RAF1: variants seen among roughly 807,000 people sequenced by gnomAD.
RAF1 encodes the protein RAF proto-oncogene serine/threonine-protein kinase.
A neutral mutation model predicts 81.1 loss-of-function variants in RAF1; 27 were observed. The ratio of observed to expected loss-of-function variants is 0.33; its 90% CI spans 0.25 to 0.46. The LOEUF is 0.46. Among genes scored for constraint, RAF1 ranks in the 20% least tolerant of loss-of-function variants. The pLI is 1.00. For synonymous variants in RAF1, 298 were observed against 294.0 expected (o/e 1.01, Z -0.14); for missense variants, 598 against 826.0 (o/e 0.72, Z 3.38).
Position 12,590,914 on chromosome 3 carries a change from T to C in RAF1, c.1314A>G (p.Ala438=). 7 of 1,613,644 alleles carry C rather than the reference T, an allele frequency of 4.3e-6. No homozygotes were observed. Among genetic ancestry groups the C allele is most frequent in the Non-Finnish European group, 5.9e-6 (7 of 1,179,576 alleles). ...TGCCCTCGCACCACTGGGTCACAAT[T>C]GCCAGGTTGTCCTTTGTCATGTACC... is the stretch of plus-strand genomic sequence containing the variant. Residue 438 remains alanine, a synonymous_variant, in exon 13 of 18, where the codon GCA becomes GCG. Coordinates refer to ENST00000442415, the MANE Select transcript of RAF1 (RefSeq NM_001354689.3).
chr3:12,615,094 C>T (rs115679418), intron 2 of RAF1, among the ~76,000 whole-genome samples: 1 of 152,108 alleles, frequency 6.6e-6, no homozygotes, highest in Non-Finnish European at 1.5e-5. Context: ...TCTACCTGTC[C>T]AACACATCCA....
At chr3:12,592,679 A>G (rs1340457331) in intron 11 of RAF1, among the ~76,000 whole-genome samples, 1 of 151,328 alleles carries the variant, frequency 6.6e-6, no homozygotes, top group Non-Finnish European at 1.5e-5. Context: ...ATATAACTTT[A>G]GACACATCCA....
At chr3:12,589,832 C>G (rs1315342220) in intron 13 of RAF1, 1 of 150,758 alleles carries the variant, frequency 6.6e-6, no homozygotes, top group Non-Finnish European at 1.5e-5. Context: ...GCTCTGTCAC[C>G]CAGGCTAGAG....
Position 12,663,973 on chromosome 3 carries a change from C to A in RAF1, c.-187G>T. On this transcript the variant is annotated 5_prime_UTR_variant, in exon 1 of 18. Coordinates refer to ENST00000442415, the MANE Select transcript of RAF1 (RefSeq NM_001354689.3). ...CAGCCCCCGCATCGTAGCAAACGCG[C>A]TCCGCGCCTCAGGGCACGCGCCCCA... is the stretch of plus-strand genomic sequence containing the variant. 2 of 398,546 alleles carry A rather than the reference C, an allele frequency of 5.0e-6. No individual in the cohort carries two copies. The highest frequency in any genetic ancestry group is 8.9e-6 in the Non-Finnish European group (2 of 225,972). The allele number at this position is 398,546 out of a possible 1,614,324, so 24.7% of individuals were successfully genotyped here.
chr3:12,641,344 CAT>C (rs1163070605), intron 1 of RAF1, among the ~76,000 whole-genome samples: 2 of 150,508 alleles, frequency 1.3e-5, no homozygotes, highest in Non-Finnish European at 2.9e-5. Flanking sequence ...ACATTGTGCA[CAT>C]GTACTCTAGA....
Position 12,600,424 on chromosome 3 carries a change from G to C in RAF1, c.895-9C>G, listed in dbSNP as rs200112870. ...TGACTTCGAATTGCATCCTGAAACAGAAAAGGAAAGCTGGTCAACTCCTAC... is the reference window on the plus strand; with the variant it reads ...TGACTTCGAATTGCATCCTGAAACACAAAAGGAAAGCTGGTCAACTCCTAC... On this transcript the variant is annotated splice_polypyrimidine_tract_variant and intron_variant, in intron 8 of 17. Transcript: ENST00000442415. 36 of 1,614,122 alleles carry C rather than the reference G, an allele frequency of 2.2e-5. No homozygotes were observed. The East Asian group carries it at 7.6e-4, about 34-fold the overall frequency.
rs1229121347 is a variant in RAF1 at position 12,608,932 on chromosome 3, A to G, written c.424-9T>C. Reference sequence around the variant, plus strand: ...AGGAACGTCTTCCGAGCCTACAACAAGAACACAGGTGTAAATTATGCTGAA... The same window carrying G: ...AGGAACGTCTTCCGAGCCTACAACAGGAACACAGGTGTAAATTATGCTGAA... On this transcript the variant is annotated splice_polypyrimidine_tract_variant and intron_variant, in intron 4 of 17. Coordinates refer to ENST00000442415, the MANE Select transcript of RAF1 (RefSeq NM_001354689.3). 3 of 1,614,136 alleles carry G rather than the reference A, an allele frequency of 1.9e-6. No homozygotes were observed. Among genetic ancestry groups the G allele is most frequent in the East Asian group, 2.2e-5 (1 of 44,878 alleles).
In RAF1 at chr3:12,583,931, G is replaced by GA. The variant is rs2058226923; in HGVS notation, c.*582dup. 4.2e-6 allele frequency: 1 copy of GA among 238,474 alleles called. No individual in the cohort carries two copies. Among genetic ancestry groups the GA allele is most frequent in the Non-Finnish European group, 8.3e-6 (1 of 120,788 alleles). The allele number at this position is 238,474 out of a possible 1,614,324, so 14.8% of individuals were successfully genotyped here. A position where few individuals can be genotyped will look rare whatever the true frequency, so the allele number is the denominator to read the frequency against. ...CCTGGAAAACCATCCCAATGCACTGGACACCTTAGAAGCTGTGAAAGGAGG... is the reference window on the plus strand; with the variant it reads ...CCTGGAAAACCATCCCAATGCACTGGAACACCTTAGAAGCTGTGAAAGGAGG... On this transcript the variant is annotated 3_prime_UTR_variant, in exon 18 of 18. Transcript: ENST00000442415.
At chr3:12,651,609 G>A (rs555393159) in intron 1 of RAF1, among the ~76,000 whole-genome samples, 11 of 150,858 alleles carry the variant, frequency 7.3e-5, no homozygotes, top group East Asian at 5.9e-4. Context: ...AGCCGAGATC[G>A]CACCACTGCA....
intron 5 of RAF1, among the ~76,000 whole-genome samples, chr3:12,606,838 A>C (rs909972581): frequency 6.6e-6 from 1 of 152,034 alleles, no homozygotes; most frequent in African/African-American, 2.4e-5. Flanking sequence ...TGTCTCTCCT[A>C]ATGCTATCCC....
chr3:12,595,756 A>C (rs1232483427), intron 11 of RAF1, among the ~76,000 whole-genome samples: 1 of 152,086 alleles, frequency 6.6e-6, no homozygotes, highest in East Asian at 1.9e-4. Context: ...TATTAAAAAC[A>C]TTGAACTGGG....
At chr3:12,625,340 C>T (rs888069433) in intron 1 of RAF1, among the ~76,000 whole-genome samples, 2 of 152,128 alleles carry the variant, frequency 1.3e-5, no homozygotes, top group Non-Finnish European at 2.9e-5. Flanking sequence ...ACCTCAGCCT[C>T]CCAAAGTGCT....
chr3:12,584,044 T>C lies in RAF1; in HGVS notation c.*470A>G. Reference sequence around the variant, plus strand: ...GGCAGTCCTGGGCTGTTTGGTGCCTTATGTGCAAAATGTCTGGCGCTGCAC... The same window carrying C: ...GGCAGTCCTGGGCTGTTTGGTGCCTCATGTGCAAAATGTCTGGCGCTGCAC... On this transcript the variant is annotated 3_prime_UTR_variant, in exon 18 of 18. Transcript: ENST00000442415. 1 of 281,912 alleles carries C rather than the reference T, an allele frequency of 3.5e-6. No individual in the cohort carries two copies. The highest frequency in any genetic ancestry group is 6.9e-6 in the Non-Finnish European group (1 of 145,672). 17.5% of individuals were successfully genotyped at this position (281,912 alleles called of 1,614,324 possible). A position where few individuals can be genotyped will look rare whatever the true frequency, so the allele number is the denominator to read the frequency against.
At chr3:12,610,394 A>T (rs1159202456) in intron 3 of RAF1, among the ~76,000 whole-genome samples, 2 of 152,222 alleles carry the variant, frequency 1.3e-5, no homozygotes, top group East Asian at 1.9e-4. Flanking sequence ...AAGGAGGACA[A>T]GCCTTATTTT....
chr3:12,627,510 G>A (rs1271902996), intron 1 of RAF1, among the ~76,000 whole-genome samples: 1 of 152,146 alleles, frequency 6.6e-6, no homozygotes, highest in Non-Finnish European at 1.5e-5. Flanking sequence ...AGAAAAAAAG[G>A]GATGACTCAT....
intron 1 of RAF1, among the ~76,000 whole-genome samples, chr3:12,624,891 A>AC (rs2059655584): frequency 3.5e-5 from 2 of 57,876 alleles, no homozygotes; most frequent in South Asian, 1.7e-3. Flanking sequence ...AACTCAAAAA[A>AC]AAAAAAAAAA....
intron 1 of RAF1, among the ~76,000 whole-genome samples, chr3:12,628,760 G>GGC (rs2059783533): frequency 7.3e-6 from 1 of 136,696 alleles, no homozygotes; most frequent in African/African-American, 2.7e-5. Context: ...TTGGGGGGGG[G>GGC]GGGTGGCGGG....
chr3:12,618,830 A>AT, intron 1 of RAF1, 83 bp from the exon 2 acceptor site: 5 of 1,130,074 alleles, frequency 4.4e-6, no homozygotes, highest in African/African-American at 3.1e-5. Flanking sequence ...AATTATGAAA[A>AT]TAGCACTATG....
intron 1 of RAF1, among the ~76,000 whole-genome samples, chr3:12,659,245 T>C (rs1463059771): frequency 1.3e-5 from 2 of 151,462 alleles, no homozygotes; most frequent in Admixed American, 6.6e-5. Flanking sequence ...CTGGCCAACA[T>C]GGTGAAACCT....
Sources: gnomAD v4.1 joint callset for allele counts (sites outside exome capture counted in the v4.1 genomes callset) on GRCh38, gnomAD v4.1.1 for gene constraint, MANE v1.5 for transcripts, NCBI Gene and HGNC (gene_info 2026-07-23, HGNC 2026-07-21) for gene names.